The following ARID1A variants were observed in gnomAD, a reference collection of about 807,000 sequenced individuals.
The protein encoded by ARID1A is AT-rich interaction domain 1A.
ARID1A carries 20 observed loss-of-function variants against 212.6 expected under a neutral mutation model. The ratio of observed to expected loss-of-function variants is 0.09; its 90% CI spans 0.07 to 0.14. The LOEUF (loss-of-function observed/expected upper bound fraction) is 0.14, where lower values mean the gene tolerates loss of function less well. ARID1A is among the 10% of genes least tolerant of loss of function. The probability of loss-of-function intolerance (pLI) is 1.00; values close to 1 mark genes in which losing one functional copy is unlikely to be tolerated. For synonymous variants in ARID1A, 1,376 were observed against 1,222.1 expected (o/e 1.13, Z -2.63); for missense variants, 2,587 against 3,059.0 (o/e 0.85, Z 3.64).
At chr1:26,755,600 T>C (rs747008801) in intron 4 of ARID1A, among the ~76,000 whole-genome samples, 17 of 152,302 alleles carry the variant, frequency 1.1e-4, no homozygotes, top group Non-Finnish European at 2.4e-4. Context: ...AGGTTTTCTT[T>C]AGGCTCCTAG....
rs776923688 is a variant in ARID1A at position 26,771,256 on chromosome 1, C to T, written c.3336C>T (p.Asp1112=). The change falls in exon 12 of 20, where the codon GAC becomes GAT. Residue 1112 remains aspartate (D), a synonymous_variant. Coordinates refer to ENST00000324856, the MANE Select transcript of ARID1A (RefSeq NM_006015.6). The surrounding 1 kb of genome is among the most constrained non-coding windows in gnomAD (Gnocchi z 5.4). ...AFECKIERGE[D]PPPDIFAAAD... ...AATGCAAGATTGAACGGGGAGAAGA[C>T]CCTCCCCCAGACATCTTTGCAGCTG... 18 of 1,614,034 alleles carry T rather than the reference C, an allele frequency of 1.1e-5. No individual in the cohort carries two copies. In the Admixed American group the frequency reaches 2.3e-4, roughly 21 times the overall value.
chr1:26,696,229 T>G lies in ARID1A; in HGVS notation c.-175T>G. The G allele has an allele frequency of 1.3e-6, 1 of 751,400 alleles. No homozygotes were observed. The highest frequency in any genetic ancestry group is 1.7e-6 in the Non-Finnish European group (1 of 585,654). The allele number at this position is 751,400 out of a possible 1,614,324, so 46.5% of individuals were successfully genotyped here. On this transcript the variant is annotated 5_prime_UTR_variant, in exon 1 of 20. The change abolishes the stop of an existing upstream ORF in the 5' untranslated region. Coordinates refer to ENST00000324856, the MANE Select transcript of ARID1A (RefSeq NM_006015.6). ...CCTCCGCCGCCGCCAGCCCGGAGCC[T>G]GAGCCGGCGGGGCGGGGGGGAGAGG...
At chr1:26,743,165 A>T (rs1371652113) in intron 4 of ARID1A, among the ~76,000 whole-genome samples, 2 of 152,058 alleles carry the variant, frequency 1.3e-5, no homozygotes, top group Admixed American at 6.5e-5. Flanking sequence ...CTCCCAGCAT[A>T]CCTCTGCAAC....
In ARID1A at chr1:26,767,897, G is replaced by A. The variant is rs970336604; in HGVS notation, c.3096G>A (p.Glu1032=). The change falls in exon 11 of 20, where the codon GAG becomes GAA. Residue 1032 remains glutamate, a synonymous_variant. Transcript: ENST00000324856. The stretch of plus-strand genomic sequence containing the variant: ...TGGACCGTTATCTGGCCTTCACTGA[G>A]GAGAAGGCCATGGGCATGACAAATC... The part of the protein sequence containing the change: ...MWVDRYLAFT[E]EKAMGMTNLP... 25 of 1,613,952 alleles carry A rather than the reference G, an allele frequency of 1.5e-5. No homozygotes were observed. The highest frequency in any genetic ancestry group is 1.9e-5 in the Non-Finnish European group (22 of 1,179,942).
chr1:26,775,558 A>T lies in ARID1A; in HGVS notation c.4994-19A>T, dbSNP rs2124125978. On this transcript the variant is annotated intron_variant, in intron 18 of 19. Coordinates refer to ENST00000324856, the MANE Select transcript of ARID1A (RefSeq NM_006015.6). ...CCAACCTGGGCTTGGTGGATAGACG[A>T]CATGGAGGTTTATTTCAGGAACCCC... is the stretch of plus-strand genomic sequence containing the variant. The T allele has an allele frequency of 6.2e-7, 1 of 1,613,532 alleles. No homozygotes were observed. Among genetic ancestry groups the T allele is most frequent in the Non-Finnish European group, 8.5e-7 (1 of 1,179,956 alleles).
chr1:26,763,833 G>A (rs1310870260), intron 8 of ARID1A, among the ~76,000 whole-genome samples: 1 of 152,180 alleles, frequency 6.6e-6, no homozygotes, highest in Non-Finnish European at 1.5e-5. Flanking sequence ...CTGTTCCCCA[G>A]GCTGAATTGC....
In ARID1A at chr1:26,771,258, C is replaced by G; in HGVS notation, c.3338C>G (p.Pro1113Arg). ...TGCAAGATTGAACGGGGAGAAGACC[C>G]TCCCCCAGACATCTTTGCAGCTGCT... The part of the protein sequence containing the change: ...FECKIERGED[P>R]PPDIFAAADS... The change falls in exon 12 of 20, where the codon CCT becomes CGT. Residue 1113 changes from proline to arginine, a missense_variant. By Grantham distance (103) the Pro-to-Arg change is moderately radical. Transcript: ENST00000324856. The surrounding 1 kb of genome is among the most constrained non-coding windows in gnomAD (Gnocchi z 5.4). The G allele has an allele frequency of 6.2e-7, 1 of 1,614,216 alleles. No homozygotes were observed. The highest frequency in any genetic ancestry group is 8.5e-7 in the Non-Finnish European group (1 of 1,180,042).
At chr1:26,727,739 C>T (rs538592253) in intron 1 of ARID1A, 2 of 152,308 alleles carry the variant, frequency 1.3e-5, no homozygotes, top group Non-Finnish European at 2.9e-5. Context: ...GAGACCTAGA[C>T]TGACAGAGAT....
rs1470275244 is a variant in ARID1A, at chr1:26,697,370, G to C, written c.967G>C (p.Gly323Arg). 2 of 1,316,270 alleles carry C rather than the reference G, an allele frequency of 1.5e-6. No homozygotes were observed. The highest frequency in any genetic ancestry group is 3.1e-5 in the East Asian group (1 of 32,240). 81.5% of individuals were successfully genotyped at this position (1,316,270 alleles called of 1,614,324 possible). Reference protein sequence around the residue: ...GGDYSGGPQDGGAGKGPADMA... With the variant: ...GGDYSGGPQDRGAGKGPADMA... ...CGACTACAGTGGCGGGCCCCAGGAC[G>C]GGGGCGCCGGCAAGGGCCCGGCGGA... Residue 323 changes from glycine (G) to arginine (R), a missense_variant, in exon 1 of 20, where the codon GGG becomes CGG. By Grantham distance (125) the Gly-to-Arg change is moderately radical (BLOSUM62 -2). This residue lies in a region of ARID1A where 735 missense variants were observed against 590.6 expected (regional missense o/e 1.24). Coordinates refer to ENST00000324856, the MANE Select transcript of ARID1A (RefSeq NM_006015.6).
At chr1:26,761,236 A>T (rs574386573) in intron 5 of ARID1A, 140 bp downstream of exon 5, 12 of 1,468,084 alleles carry the variant, frequency 8.2e-6, no homozygotes, top group Non-Finnish European at 1.0e-5. Context: ...GGAGAAGGAG[A>T]TTGGAACCTG....
intron 4 of ARID1A, among the ~76,000 whole-genome samples, chr1:26,745,868 A>AT: frequency 6.6e-6 from 1 of 152,202 alleles, no homozygotes; most frequent in South Asian, 2.1e-4. Flanking sequence ...CCTGACCAAC[A>AT]TTAAGAAACT....
chr1:26,724,732 A>G (rs35617712), intron 1 of ARID1A, among the ~76,000 whole-genome samples: 9,268 of 152,214 alleles, frequency 0.061, 333 homozygotes, highest in Non-Finnish European at 0.08. Flanking sequence ...TCCAGTAGCC[A>G]GCTAGTCTGG....
rs2124113638 is a variant in ARID1A at position 26,773,693 on chromosome 1, A to G, written c.3980A>G (p.Gln1327Arg). 1 of 1,585,322 alleles carries G rather than the reference A, an allele frequency of 6.3e-7. No homozygotes were observed. The change falls in exon 16 of 20, where the codon CAG becomes CGG. Residue 1327 changes from glutamine (Q) to arginine (R), a missense_variant. By Grantham distance (43) the Gln-to-Arg change is conservative. This residue lies in a region of ARID1A where 890 missense variants were observed against 1,098.2 expected (regional missense o/e 0.81). Coordinates refer to ENST00000324856, the MANE Select transcript of ARID1A (RefSeq NM_006015.6). The stretch of plus-strand genomic sequence containing the variant: ...TATTCTCCTAGCCGCTACCCCCCGC[A>G]GCAGCAGCAGCAGCAGCAGCAACGG... ...GMYSPSRYPP[Q>R]QQQQQQQRHD...
At chr1:26,734,361 T>G (rs2080708958) in intron 4 of ARID1A, among the ~76,000 whole-genome samples, 1 of 151,158 alleles carries the variant, frequency 6.6e-6, no homozygotes, top group Non-Finnish European at 1.5e-5. Flanking sequence ...TTTTTTTTTT[T>G]TGGTCCTGAG....
At position 26,702,172 on chromosome 1, in the gene ARID1A, T is replaced by C. The variant is rs879938645; in HGVS notation, c.1137+4632T>C. On this transcript the variant is annotated intron_variant, in intron 1 of 19. Transcript: ENST00000324856. ...CCTGGACTTGCCCTGTAAGTTTTGC[T>C]GAGAGAGAAGCAAATGTTCCTGAGA... 2.0e-4 allele frequency among the ~76,000 whole-genome samples: 30 copies of C among 152,180 alleles called. 1 individual carries two copies. The highest frequency in any genetic ancestry group is 2.0e-3 in the Admixed American group (30 of 15,280).
At chr1:26,705,830 AAT>A (rs2080386783) in intron 1 of ARID1A, among the ~76,000 whole-genome samples, 1 of 152,202 alleles carries the variant, frequency 6.6e-6, no homozygotes, top group South Asian at 2.1e-4. Context: ...GCATAGCTGG[AAT>A]ATTATCTTGG....
chr1:26,702,791 C>A (rs2080343797), intron 1 of ARID1A, among the ~76,000 whole-genome samples: 2 of 152,036 alleles, frequency 1.3e-5, no homozygotes, highest in Non-Finnish European at 2.9e-5. Flanking sequence ...CCTCTGTGGC[C>A]CTGGCTGCGT....
intron 4 of ARID1A, among the ~76,000 whole-genome samples, chr1:26,745,991 CG>C (rs1212414712): frequency 6.6e-6 from 1 of 152,022 alleles, no homozygotes. Context: ...GCGGAGGTTG[CG>C]GTGAGTCAAG....
intron 19 of ARID1A, 181 bp from the exon 20 acceptor site, chr1:26,778,842 C>G (rs1213406474): frequency 3.6e-6 from 2 of 549,822 alleles, no homozygotes; most frequent in Admixed American, 3.0e-5. Context: ...GAAGAAAGAA[C>G]TTTGTGTTGG....
Sources: allele counts gnomAD v4.1 joint callset (sites outside exome capture counted in the v4.1 genomes callset), GRCh38; gene constraint gnomAD v4.1.1; regional missense constraint gnomAD v4.1.1; non-coding constraint Gnocchi (gnomAD v3.1); transcripts MANE v1.5; gene names NCBI Gene and HGNC (gene_info 2026-07-23, HGNC 2026-07-21).